Variants in RORA observed in about 807,000 individuals in gnomAD.
RORA encodes the protein RAR related orphan receptor A.
RORA carries 7 observed loss-of-function variants against 69.5 expected under a neutral mutation model. The ratio of observed to expected loss-of-function variants is 0.10; its 90% CI spans 0.06 to 0.19. The LOEUF (loss-of-function observed/expected upper bound fraction) is 0.19, where lower values mean the gene tolerates loss of function less well. Ranked by LOEUF, RORA falls within the 10% of genes least tolerant of loss-of-function variation. The probability of loss-of-function intolerance (pLI) is 1.00; values close to 1 mark genes in which losing one functional copy is unlikely to be tolerated. For missense variants in RORA, 457 were observed against 663.0 expected (o/e 0.69, Z 3.41); for synonymous variants, 261 against 240.8 (o/e 1.08, Z -0.78).
intron 2 of RORA, among the ~76,000 whole-genome samples, chr15:60,631,736 A>C (rs1330839435): frequency 6.6e-6 from 1 of 152,198 alleles, no homozygotes; most frequent in Non-Finnish European, 1.5e-5. Context: ...GCTAAGGGCA[A>C]CCTCACAGGC....
intron 1 of RORA, among the ~76,000 whole-genome samples, chr15:60,996,795 A>G (rs1283066069): frequency 6.6e-6 from 1 of 152,038 alleles, no homozygotes; most frequent in African/African-American, 2.4e-5. Flanking sequence ...CTGTAGTCGC[A>G]GCTACTCGGG....
chr15:61,140,087 C>T (rs557452260), intron 1 of RORA, among the ~76,000 whole-genome samples: 1 of 152,244 alleles, frequency 6.6e-6, no homozygotes, highest in African/African-American at 2.4e-5. Flanking sequence ...ACTGAATGTA[C>T]AATGTTGAAC....
rs935580858 is a variant in RORA at position 61,018,837 on chromosome 15, T to G, written c.166+210216A>C. ...TCCTCATAAATGGTAAGGATGTATA[T>G]GTCTATCTCTGCCAAGGCACACATT... On this transcript the variant is annotated intron_variant, in intron 1 of 10. Coordinates refer to ENST00000335670, the MANE Select transcript of RORA (RefSeq NM_134261.3). Among the ~76,000 whole-genome samples the G allele has an allele frequency of 3.9e-5, 6 of 152,298 alleles. No individual in the cohort carries two copies. The East Asian group carries it at 1.2e-3, about 29-fold the overall frequency.
intron 1 of RORA, among the ~76,000 whole-genome samples, chr15:61,220,731 C>T (rs2080087777): frequency 6.6e-6 from 1 of 152,188 alleles, no homozygotes; most frequent in African/African-American, 2.4e-5. Flanking sequence ...CCTTACCTGC[C>T]TTTGTCAATT....
intron 2 of RORA, among the ~76,000 whole-genome samples, chr15:60,622,422 G>A (rs1358862124): frequency 6.6e-6 from 1 of 152,074 alleles, no homozygotes; most frequent in African/African-American, 2.4e-5. Context: ...AGACCAGCCT[G>A]GGGAACATGT....
intron 1 of RORA, among the ~76,000 whole-genome samples, chr15:61,144,681 T>A (rs1195540935): frequency 8.5e-5 from 13 of 152,224 alleles, no homozygotes; most frequent in African/African-American, 3.1e-4. Context: ...ATATTCTTAA[T>A]GCTGTTGAGT....
intron 1 of RORA, among the ~76,000 whole-genome samples, chr15:60,879,511 T>C (rs1310346740): frequency 6.6e-6 from 1 of 152,178 alleles, no homozygotes; most frequent in African/African-American, 2.4e-5. Flanking sequence ...CAAAAGTCAA[T>C]AAAATGATAC....
chr15:60,630,485 C>T (rs993834138), intron 2 of RORA: 3 of 152,210 alleles, frequency 2.0e-5, no homozygotes, highest in Non-Finnish European at 4.4e-5. Flanking sequence ...CCTGTGTGTA[C>T]AGCGTCCAAG....
intron 3 of RORA, among the ~76,000 whole-genome samples, chr15:60,517,679 G>C (rs1171946940): frequency 1.3e-5 from 2 of 152,186 alleles, no homozygotes; most frequent in Non-Finnish European, 2.9e-5. Context: ...CAAGCTGAAA[G>C]GTGTTTATCT....
At chr15:60,881,500 C>G (rs537790076) in intron 1 of RORA, among the ~76,000 whole-genome samples, 1 of 152,338 alleles carries the variant, frequency 6.6e-6, no homozygotes, top group East Asian at 1.9e-4. Context: ...AACTGCGAGG[C>G]TGGCCATTAG....
intron 1 of RORA, among the ~76,000 whole-genome samples, chr15:60,875,742 T>C (rs1245548635): frequency 6.6e-6 from 1 of 152,150 alleles, no homozygotes; most frequent in Admixed American, 6.5e-5. Flanking sequence ...AGGAGAAGAA[T>C]ATGGTCATTC....
At chr15:60,621,403 A>G (rs773749932) in intron 2 of RORA, among the ~76,000 whole-genome samples, 3 of 152,042 alleles carry the variant, frequency 2.0e-5, no homozygotes, top group African/African-American at 4.8e-5. Flanking sequence ...GCTATATAAC[A>G]TGAAGGGCTA....
intron 1 of RORA, among the ~76,000 whole-genome samples, chr15:60,685,316 T>C (rs374677121): frequency 5.9e-5 from 9 of 152,340 alleles, no homozygotes; most frequent in African/African-American, 2.2e-4. Flanking sequence ...CTTTTTGACT[T>C]CCTCATTGTG....
chr15:61,192,019 G>A (rs1053714425), intron 1 of RORA, among the ~76,000 whole-genome samples: 1 of 152,250 alleles, frequency 6.6e-6, no homozygotes. Flanking sequence ...TGGGTTGACA[G>A]AGCTACGTGT....
chr15:60,762,534 A>G (rs577267986), intron 1 of RORA, among the ~76,000 whole-genome samples: 1 of 152,238 alleles, frequency 6.6e-6, no homozygotes, highest in African/African-American at 2.4e-5. Context: ...TGCATGAAAC[A>G]CACACAGTAC....
chr15:60,878,343 C>CAAAA (rs35845582), intron 1 of RORA, among the ~76,000 whole-genome samples: 4 of 68,406 alleles, frequency 5.8e-5, no homozygotes, highest in African/African-American at 1.1e-4. Flanking sequence ...GACTCTGTCT[C>CAAAA]AAAAAAAAAA....
chr15:60,888,951 C>T (rs1373609271), intron 1 of RORA, among the ~76,000 whole-genome samples: 4 of 152,166 alleles, frequency 2.6e-5, no homozygotes, highest in Non-Finnish European at 2.9e-5. Flanking sequence ...GGAGCCTTCA[C>T]CACAGAAAAA....
intron 1 of RORA, among the ~76,000 whole-genome samples, chr15:60,992,385 G>T (rs900138505): frequency 3.3e-5 from 5 of 151,076 alleles, no homozygotes; most frequent in Non-Finnish European, 3.0e-5. Context: ...TATTTCCTAT[G>T]CTTGCCATAG....
At chr15:60,916,437 G>C (rs1432439538) in intron 1 of RORA, among the ~76,000 whole-genome samples, 1 of 152,152 alleles carries the variant, frequency 6.6e-6, no homozygotes, top group African/African-American at 2.4e-5. Context: ...TTCTGAGCTG[G>C]AATAATTAAA....
Sources: allele counts gnomAD v4.1 joint callset (sites outside exome capture counted in the v4.1 genomes callset), GRCh38; gene constraint gnomAD v4.1.1; transcripts MANE v1.5; gene names NCBI Gene and HGNC (gene_info 2026-07-23, HGNC 2026-07-21).